Variants in PCDHA2 observed in about 807,000 individuals in gnomAD.
The protein encoded by PCDHA2 is protocadherin alpha-2.
Under a neutral mutation model 66.0 loss-of-function variants are expected in PCDHA2, and 58 were observed. The observed-to-expected ratio is 0.88, with a 90% confidence interval of 0.71 to 1.09. PCDHA2 has a LOEUF of 1.09. Ranked by LOEUF, PCDHA2 falls within the 50% of genes least tolerant of loss-of-function variation. The pLI is 0.00. For missense variants in PCDHA2, 1,267 were observed against 1,242.3 expected, an observed-to-expected ratio of 1.02 and a Z score of -0.30; for synonymous variants, 634 against 554.0, an observed-to-expected ratio of 1.14 and a Z score of -2.03.
At position 140,808,864 on chromosome 5, in the gene PCDHA2, C is replaced by T. The variant is rs1764284394; in HGVS notation, c.2388+11512C>T. The T allele has an allele frequency of 4.3e-6, 7 of 1,613,020 alleles. No individual in the cohort carries two copies. The East Asian group carries it at 1.1e-4, about 26-fold the overall frequency. On this transcript the variant is annotated intron_variant, in intron 1 of 3. Coordinates refer to ENST00000526136, the MANE Select transcript of PCDHA2 (RefSeq NM_018905.3). ...TGCAGGTGTTCGTGCTGGACGAAAA[C>T]GACAACGCGCCAGCACTGCTAGCGC...
chr5:140,828,552 T>A (rs2150156635), intron 1 of PCDHA2: 1 of 1,614,212 alleles, frequency 6.2e-7, no homozygotes, highest in East Asian at 2.2e-5. Context: ...GTGTTTCCAC[T>A]GGAGGGCGCG....
intron 1 of PCDHA2, among the ~76,000 whole-genome samples, chr5:140,965,199 T>C (rs1296377172): frequency 6.6e-6 from 1 of 152,234 alleles, no homozygotes. Context: ...AGGCAATAGA[T>C]TTCAAATTCC....
intron 1 of PCDHA2, among the ~76,000 whole-genome samples, chr5:140,938,620 C>G (rs571731816): frequency 1.3e-5 from 2 of 152,172 alleles, no homozygotes; most frequent in African/African-American, 4.8e-5. Context: ...GGAATAAACT[C>G]AGGTTGCTTA....
At chr5:140,967,957 C>A in intron 1 of PCDHA2, 1 of 1,614,222 alleles carries the variant, frequency 6.2e-7, no homozygotes, top group Admixed American at 1.7e-5. Context: ...CAGGCCCCAA[C>A]CGGAAAGTGA....
At chr5:140,997,840 A>G (rs2097788062) in intron 3 of PCDHA2, among the ~76,000 whole-genome samples, 2 of 152,216 alleles carry the variant, frequency 1.3e-5, no homozygotes, top group Non-Finnish European at 2.9e-5. Flanking sequence ...AATACAATAT[A>G]CATTCTTATA....
At chr5:140,982,608 T>G (rs782789536) in intron 3 of PCDHA2, 45 bp downstream of exon 3, 2 of 1,601,306 alleles carry the variant, frequency 1.2e-6, no homozygotes, top group South Asian at 2.2e-5. Flanking sequence ...TTCTGGAAAG[T>G]GATCAGATGA....
Position 141,010,554 on chromosome 5 carries a change from C to G in PCDHA2, c.*617C>G. On this transcript the variant is annotated 3_prime_UTR_variant, in exon 4 of 4. Transcript: ENST00000526136. ...CACCCTCTAGGAGACAAAACTACCC[C>G]CACTGACAAGGCTTTAGGAGACCCT... The G allele has an allele frequency of 3.1e-6, 1 of 322,198 alleles. No individual in the cohort carries two copies. The highest frequency in any genetic ancestry group is 9.3e-4 in the Middle Eastern group (1 of 1,074). 20.0% of individuals were successfully genotyped at this position (322,198 alleles called of 1,614,324 possible).
chr5:140,801,978 G>GT, intron 1 of PCDHA2: 3 of 1,614,188 alleles, frequency 1.9e-6, no homozygotes, highest in East Asian at 4.5e-5. Flanking sequence ...TGGTACCCTA[G>GT]TGGTGACCGT....
In PCDHA2 at chr5:140,795,639, C is replaced by T. The variant is rs375678815; in HGVS notation, c.675C>T (p.Thr225=). 5 of 1,614,076 alleles carry T rather than the reference C, an allele frequency of 3.1e-6. No homozygotes were observed. Among genetic ancestry groups the T allele is most frequent in the Admixed American group, 1.7e-5 (1 of 60,018 alleles). The change falls in exon 1 of 4, where the codon ACC becomes ACT. Residue 225 remains threonine (T), a synonymous_variant. Coordinates refer to ENST00000526136, the MANE Select transcript of PCDHA2 (RefSeq NM_018905.3). ...GGGGCAAACCTGAGCTCACGGGCAC[C>T]GTTCAAATACTTATTAAGGTATTAG... is the stretch of plus-strand genomic sequence containing the variant. ...TDGGKPELTG[T]VQILIKVLDV...
At chr5:140,842,048 G>A (rs2150328015) in intron 1 of PCDHA2, 1 of 1,613,798 alleles carries the variant, frequency 6.2e-7, no homozygotes. Context: ...TCCCACTTTC[G>A]AACAGTCTGA....
intron 1 of PCDHA2, among the ~76,000 whole-genome samples, chr5:140,924,976 C>T (rs1376073492): frequency 6.6e-6 from 1 of 151,048 alleles, no homozygotes; most frequent in Non-Finnish European, 1.5e-5. Context: ...TGCAGTGGCT[C>T]ATGTCTGTAA....
chr5:140,973,590 A>G (rs562109843), intron 1 of PCDHA2, among the ~76,000 whole-genome samples: 3 of 152,340 alleles, frequency 2.0e-5, no homozygotes, highest in Non-Finnish European at 4.4e-5. Context: ...GCTGAGCCAG[A>G]TGGAATTATG....
At chr5:140,930,446 C>T (rs891083222) in intron 1 of PCDHA2, 1 of 151,964 alleles carries the variant, frequency 6.6e-6, no homozygotes, top group Admixed American at 6.6e-5. Context: ...TGGTCTCAAA[C>T]TCCTAGCCTC....
Position 140,801,673 on chromosome 5 carries a change from A to G in PCDHA2, c.2388+4321A>G, listed in dbSNP as rs557240435. The G allele has an allele frequency of 6.2e-7, 1 of 1,614,244 alleles. No homozygotes were observed. Among genetic ancestry groups the G allele is most frequent in the Admixed American group, 1.7e-5 (1 of 60,032 alleles). Reference sequence around the variant, plus strand: ...CGGTTTTCGCTAGAGGGCGCATCAGATGCAGATATCGGAACAAATTCGTTG... The same window carrying G: ...CGGTTTTCGCTAGAGGGCGCATCAGGTGCAGATATCGGAACAAATTCGTTG... On this transcript the variant is annotated intron_variant, in intron 1 of 3. Coordinates refer to ENST00000526136, the MANE Select transcript of PCDHA2 (RefSeq NM_018905.3).
chr5:140,875,688 G>A (rs1554167865), intron 1 of PCDHA2: 7 of 1,614,004 alleles, frequency 4.3e-6, no homozygotes, highest in Non-Finnish European at 4.2e-6. Context: ...AAAGACACGG[G>A]GACCTTCTGG....
At chr5:140,834,956 T>G (rs2150229347) in intron 1 of PCDHA2, 2 of 1,534,454 alleles carry the variant, frequency 1.3e-6, no homozygotes, top group African/African-American at 1.5e-5. Context: ...AGGTAAAACC[T>G]CTTGGACTTG....
chr5:140,888,753 A>G (rs1237459726), intron 1 of PCDHA2, among the ~76,000 whole-genome samples: 1 of 149,022 alleles, frequency 6.7e-6, no homozygotes, highest in Non-Finnish European at 1.5e-5. Flanking sequence ...TATTCTACCC[A>G]CTTTTTTTTT....
rs903321831 is a variant in PCDHA2, at chr5:140,926,671, C to A, written c.2389-52278C>A. ...CGGCTCCGCTTTCCCAGACGGCTGC[C>A]CAGCCTCCAGCCTAGCAAGCCCGGC... On this transcript the variant is annotated intron_variant, in intron 1 of 3. Coordinates refer to ENST00000526136, the MANE Select transcript of PCDHA2 (RefSeq NM_018905.3). The A allele has an allele frequency of 3.5e-5, 20 of 579,422 alleles. No homozygotes were observed. The South Asian group carries it at 7.5e-4, about 22-fold the overall frequency. 35.9% of individuals were successfully genotyped at this position (579,422 alleles called of 1,614,324 possible).
chr5:140,829,714 C>A (rs1316878813), intron 1 of PCDHA2: 14 of 1,613,308 alleles, frequency 8.7e-6, no homozygotes, highest in Admixed American at 1.7e-5. Flanking sequence ...GCGACGCGGG[C>A]GTGCCGCCTC....
Sources: allele counts gnomAD v4.1 joint callset (sites outside exome capture counted in the v4.1 genomes callset), GRCh38; gene constraint gnomAD v4.1.1; transcripts MANE v1.5; gene names NCBI Gene and HGNC (gene_info 2026-07-23, HGNC 2026-07-21).